The following NAA11 variants were observed in gnomAD, a reference collection of about 807,000 sequenced individuals.
The protein encoded by NAA11 is N-alpha-acetyltransferase 11, NatA catalytic subunit.
Under a neutral mutation model 16.1 loss-of-function variants are expected in NAA11, and 15 were observed. The observed-to-expected ratio is 0.93, with a 90% CI of 0.62 to 1.44. NAA11 has a LOEUF of 1.44. Ranked by LOEUF, NAA11 falls within the 40% of genes most tolerant of loss-of-function variation. NAA11 has a pLI of 0.00. For missense variants in NAA11, 298 were observed against 291.3 expected (o/e 1.02, Z -0.17); for synonymous variants, 122 against 112.4 (o/e 1.09, Z -0.54).
At chr4:79,312,167 C>T (rs950118312), downstream of NAA11, among the ~76,000 whole-genome samples, 4 of 152,106 alleles carry the variant, frequency 2.6e-5, no homozygotes, top group East Asian at 5.8e-4. Flanking sequence ...CAAGAGAGTA[C>T]GTGATTTTTC....
intron 2 of NAA11, among the ~76,000 whole-genome samples, chr4:79,242,378 A>G (rs1721718684): frequency 2.0e-5 from 3 of 152,210 alleles, no homozygotes; most frequent in Non-Finnish European, 4.4e-5. Flanking sequence ...TGCCTGCTTC[A>G]ACTCACTTGT....
At chr4:79,231,776 A>G (rs1019344100) in intron 2 of NAA11, among the ~76,000 whole-genome samples, 2 of 151,802 alleles carry the variant, frequency 1.3e-5, no homozygotes, top group African/African-American at 4.8e-5. Context: ...TTCTAGATCC[A>G]CCACCAGTTT....
intron 2 of NAA11, among the ~76,000 whole-genome samples, chr4:79,235,007 A>C (rs752516594): frequency 6.6e-6 from 1 of 152,222 alleles, no homozygotes; most frequent in East Asian, 1.9e-4. Flanking sequence ...ATTAGTTAAT[A>C]AAGAAATGTA....
At chr4:79,241,775 T>G (rs903186193) in intron 2 of NAA11, among the ~76,000 whole-genome samples, 7 of 152,164 alleles carry the variant, frequency 4.6e-5, no homozygotes, top group African/African-American at 1.7e-4. Flanking sequence ...AGTTGAATCT[T>G]GTTAGATGGA....
chr4:79,165,695 C>T, the NAA11 span, among the ~76,000 whole-genome samples: 3 of 152,200 alleles, frequency 2.0e-5, no homozygotes, highest in Admixed American at 6.5e-5. Flanking sequence ...AGCATTTTCA[C>T]AGCTCGCTTC....
chr4:79,201,065 A>G, the NAA11 span, among the ~76,000 whole-genome samples: 1 of 151,622 alleles, frequency 6.6e-6, no homozygotes, highest in African/African-American at 2.4e-5. Flanking sequence ...AAGATTCTTC[A>G]CAAATTTTTC....
chr4:79,226,465 C>T (rs901116560), intron 2 of NAA11, among the ~76,000 whole-genome samples: 6 of 152,004 alleles, frequency 3.9e-5, no homozygotes, highest in Non-Finnish European at 5.9e-5. Context: ...TTCTAGGGTA[C>T]ATGTGCACAA....
chr4:79,200,521 T>G, the NAA11 span, among the ~76,000 whole-genome samples: 1 of 151,800 alleles, frequency 6.6e-6, no homozygotes, highest in Non-Finnish European at 1.5e-5. Flanking sequence ...AGTAGGTTTC[T>G]GCCTTCCTGA....
downstream of NAA11, among the ~76,000 whole-genome samples, chr4:79,221,688 C>A (rs1204454013): frequency 9.2e-6 from 1 of 108,892 alleles, no homozygotes; most frequent in Non-Finnish European, 2.1e-5. Flanking sequence ...TGTTGATTTG[C>A]GAATATTGAA....
chr4:79,209,040 A>C, the NAA11 span, among the ~76,000 whole-genome samples: 2 of 151,390 alleles, frequency 1.3e-5, no homozygotes, highest in Non-Finnish European at 2.9e-5. Flanking sequence ...ATATAGTTGC[A>C]GGGATTATGT....
At chr4:79,204,284 T>C in the NAA11 span, among the ~76,000 whole-genome samples, 1 of 151,870 alleles carries the variant, frequency 6.6e-6, no homozygotes, top group Non-Finnish European at 1.5e-5. Flanking sequence ...AGGTTTTATT[T>C]TAATAAATTA....
intron 1 of NAA11, among the ~76,000 whole-genome samples, chr4:79,303,070 G>T (rs1723439411): frequency 3.1e-5 from 3 of 97,526 alleles, no homozygotes; most frequent in Admixed American, 1.1e-4. Flanking sequence ...GTTCTCTTGA[G>T]GCCTTTTATA....
intron 2 of NAA11, among the ~76,000 whole-genome samples, chr4:79,228,251 T>G (rs1340933067): frequency 1.3e-5 from 2 of 152,034 alleles, no homozygotes; most frequent in Non-Finnish European, 2.9e-5. Context: ...TTTGACAGGA[T>G]TTTCCAACAC....
At chr4:79,303,064 TCTTGAGGC>T (rs896309341) in intron 1 of NAA11, among the ~76,000 whole-genome samples, 1 of 134,178 alleles carries the variant, frequency 7.5e-6, no homozygotes, top group Non-Finnish European at 1.6e-5. Context: ...ATTCCTGTTC[TCTTGAGGC>T]CTTTTATATA....
chr4:79,318,769 T>C (rs1449446064), intron 1 of NAA11, among the ~76,000 whole-genome samples: 3 of 152,222 alleles, frequency 2.0e-5, no homozygotes, highest in Non-Finnish European at 4.4e-5. Context: ...AGAAGTTATA[T>C]AGCTGTTTTA....
intron 1 of NAA11, among the ~76,000 whole-genome samples, chr4:79,298,067 C>G (rs1173954366): frequency 6.6e-6 from 1 of 152,184 alleles, no homozygotes; most frequent in Admixed American, 6.5e-5. Flanking sequence ...ACGTTTTCTG[C>G]TGGGAGCTGA....
chr4:79,270,335 T>C (rs1283026912), intron 2 of NAA11, among the ~76,000 whole-genome samples: 2 of 152,026 alleles, frequency 1.3e-5, no homozygotes, highest in East Asian at 1.9e-4. Context: ...CAGGAAGAAG[T>C]TGAATCTCTT....
chr4:79,205,154 G>A, the NAA11 span, among the ~76,000 whole-genome samples: 2 of 151,910 alleles, frequency 1.3e-5, no homozygotes, highest in Non-Finnish European at 2.9e-5. Context: ...TTTTGATATA[G>A]GTGATTTATT....
chr4:79,199,778 A>T, the NAA11 span, among the ~76,000 whole-genome samples: 147 of 151,972 alleles, frequency 9.7e-4, no homozygotes, highest in Non-Finnish European at 1.7e-3. Flanking sequence ...CTTTTCTCCA[A>T]ATCTTTTAAT....
Sources: gnomAD v4.1 joint callset for allele counts (sites outside exome capture counted in the v4.1 genomes callset) on GRCh38, gnomAD v4.1.1 for gene constraint, MANE v1.5 for transcripts, NCBI Gene and HGNC (gene_info 2026-07-23, HGNC 2026-07-21) for gene names.